CAMK1D: variants seen among roughly 807,000 people sequenced by gnomAD.
CAMK1D encodes the protein calcium/calmodulin dependent protein kinase ID.
CAMK1D carries 9 observed loss-of-function variants against 47.7 expected under a neutral mutation model. The ratio of observed to expected loss-of-function variants is 0.19; its 90% CI spans 0.11 to 0.33. CAMK1D has a LOEUF of 0.33. Ranked by LOEUF, CAMK1D falls within the 10% of genes least tolerant of loss-of-function variation. CAMK1D has a pLI of 1.00. For missense variants in CAMK1D, 291 were observed against 488.7 expected, an observed-to-expected ratio of 0.60 and a Z score of 3.81; for synonymous variants, 184 against 184.9, an observed-to-expected ratio of 0.99 and a Z score of 0.04.
chr10:12,466,802 G>A (rs976898673), intron 1 of CAMK1D, among the ~76,000 whole-genome samples: 2 of 152,052 alleles, frequency 1.3e-5, no homozygotes, highest in African/African-American at 2.4e-5. Context: ...TGGGAAGGTC[G>A]TGGCGGCAGC....
chr10:12,451,746 CAG>C (rs1160766491), intron 1 of CAMK1D, among the ~76,000 whole-genome samples: 1 of 151,732 alleles, frequency 6.6e-6, no homozygotes, highest in Non-Finnish European at 1.5e-5. Flanking sequence ...CATTGGGAGG[CAG>C]AGACTTGAGG....
At chr10:12,685,032 G>A (rs1832596363) in intron 3 of CAMK1D, among the ~76,000 whole-genome samples, 1 of 152,162 alleles carries the variant, frequency 6.6e-6, no homozygotes, top group African/African-American at 2.4e-5. Flanking sequence ...ATTACTGGCT[G>A]GGCGCGGTGG....
intron 2 of CAMK1D, among the ~76,000 whole-genome samples, chr10:12,569,106 C>CAGAT (rs1401265047): frequency 6.6e-6 from 1 of 152,108 alleles, no homozygotes; most frequent in East Asian, 1.9e-4. Flanking sequence ...GTCGGATGAA[C>CAGAT]AGATGGTCTA....
chr10:12,763,960 C>T (rs1030210323), intron 4 of CAMK1D, among the ~76,000 whole-genome samples: 1 of 152,192 alleles, frequency 6.6e-6, no homozygotes, highest in African/African-American at 2.4e-5. Context: ...CCCACCCCCA[C>T]AGCCCTCCTG....
intron 2 of CAMK1D, among the ~76,000 whole-genome samples, chr10:12,657,531 G>A (rs1388040765): frequency 6.6e-6 from 1 of 152,208 alleles, no homozygotes; most frequent in African/African-American, 2.4e-5. Context: ...GTGAGAGAAT[G>A]AAGCGCTAAT....
At chr10:12,715,846 A>G (rs1333621398) in intron 3 of CAMK1D, among the ~76,000 whole-genome samples, 2 of 150,136 alleles carry the variant, frequency 1.3e-5, no homozygotes, top group Middle Eastern at 3.2e-3. Flanking sequence ...AGTAGCTGGG[A>G]TTACAGGTGC....
chr10:12,566,681 T>A (rs909704734), intron 2 of CAMK1D, among the ~76,000 whole-genome samples: 17 of 152,182 alleles, frequency 1.1e-4, no homozygotes, highest in Admixed American at 4.6e-4. Flanking sequence ...GACCTTCGAA[T>A]TCAGAACTCT....
chr10:12,699,379 A>G (rs564927806), intron 3 of CAMK1D, among the ~76,000 whole-genome samples: 25 of 152,088 alleles, frequency 1.6e-4, no homozygotes, highest in African/African-American at 5.8e-4. Context: ...AAAGCGTTGT[A>G]CTGGGAAAGC....
chr10:12,594,010 C>CGAG (rs1263733597), intron 2 of CAMK1D, among the ~76,000 whole-genome samples: 2 of 152,280 alleles, frequency 1.3e-5, no homozygotes, highest in Non-Finnish European at 1.5e-5. Flanking sequence ...AACCCCATCT[C>CGAG]TACTAAATAC....
In CAMK1D at chr10:12,349,744, T is replaced by TGCCCCCGCGCC; in HGVS notation, c.-73_-72insCCCCGCGCCGC. 2.0e-6 allele frequency: 1 copy of TGCCCCCGCGCC among 487,980 alleles called. No homozygotes were observed. The highest frequency in any genetic ancestry group is 2.8e-6 in the Non-Finnish European group (1 of 360,554). The allele number at this position is 487,980 out of a possible 1,614,324, so 30.2% of individuals were successfully genotyped here. A position where few individuals can be genotyped will look rare whatever the true frequency, so the allele number is the denominator to read the frequency against. ...AGCCGCCCGGCATCCCCGCCGCCTC[T>TGCCCCCGCGCC]GCGCCCGCGCCGCGCCCCCGGCGCC... On this transcript the variant is annotated 5_prime_UTR_variant, in exon 1 of 11. Coordinates refer to ENST00000619168, the MANE Select transcript of CAMK1D (RefSeq NM_153498.4).
At chr10:12,535,769 G>A (rs2132231333) in intron 1 of CAMK1D, among the ~76,000 whole-genome samples, 1 of 152,284 alleles carries the variant, frequency 6.6e-6, no homozygotes. Flanking sequence ...GAATAGTTTT[G>A]TGGTAGGGTC....
chr10:12,801,247 A>ATCTG (rs1446064133), intron 6 of CAMK1D, among the ~76,000 whole-genome samples: 1 of 151,556 alleles, frequency 6.6e-6, no homozygotes, highest in African/African-American at 2.4e-5. Flanking sequence ...CCATCCATCC[A>ATCTG]TCCATCCATC....
intron 5 of CAMK1D, among the ~76,000 whole-genome samples, chr10:12,774,140 A>T (rs892626930): frequency 6.6e-6 from 1 of 152,096 alleles, no homozygotes; most frequent in Non-Finnish European, 1.5e-5. Flanking sequence ...TGGCACTTAC[A>T]TCTGAGTGAG....
intron 1 of CAMK1D, among the ~76,000 whole-genome samples, chr10:12,547,671 CTT>C (rs1180767611): frequency 8.4e-5 from 6 of 71,410 alleles, no homozygotes; most frequent in African/African-American, 2.0e-4. Context: ...CTCTCTCTCT[CTT>C]TCTCTCTCTC....
chr10:12,467,707 T>C (rs1275192253), intron 1 of CAMK1D, among the ~76,000 whole-genome samples: 1 of 152,186 alleles, frequency 6.6e-6, no homozygotes. Flanking sequence ...GCATAGCCCA[T>C]TGTAGGGATG....
chr10:12,586,064 A>G (rs1007856890), intron 2 of CAMK1D, among the ~76,000 whole-genome samples: 20 of 152,288 alleles, frequency 1.3e-4, no homozygotes, highest in Admixed American at 3.3e-4. Context: ...GGTTGCTTGG[A>G]TGGAGCCCTT....
At chr10:12,493,238 T>C (rs1005311172) in intron 1 of CAMK1D, among the ~76,000 whole-genome samples, 1 of 152,146 alleles carries the variant, frequency 6.6e-6, no homozygotes, top group African/African-American at 2.4e-5. Context: ...GAATGATTTC[T>C]ATAAGGGTTG....
At chr10:12,648,636 A>T (rs1839875866) in intron 2 of CAMK1D, among the ~76,000 whole-genome samples, 1 of 151,836 alleles carries the variant, frequency 6.6e-6, no homozygotes, top group South Asian at 2.1e-4. Context: ...ATGCCTGGCT[A>T]ATTTTTGTAT....
At chr10:12,665,103 G>A (rs373288979) in intron 2 of CAMK1D, among the ~76,000 whole-genome samples, 3 of 152,112 alleles carry the variant, frequency 2.0e-5, no homozygotes, top group East Asian at 3.8e-4. Context: ...ATGCTGTATG[G>A]CTGGTAGTAT....
Sources: allele counts gnomAD v4.1 joint callset (sites outside exome capture counted in the v4.1 genomes callset), GRCh38; gene constraint gnomAD v4.1.1; transcripts MANE v1.5; gene names NCBI Gene and HGNC (gene_info 2026-07-23, HGNC 2026-07-21).